PTPRT: variants seen among roughly 807,000 people sequenced by gnomAD.
The protein encoded by PTPRT is receptor-type tyrosine-protein phosphatase T.
PTPRT carries 56 observed loss-of-function variants against 176.8 expected under a neutral mutation model. The ratio of observed to expected loss-of-function variants is 0.32; its 90% CI spans 0.26 to 0.40. The LOEUF is 0.40. PTPRT is among the 10% of genes least tolerant of loss of function. The pLI, the probability that PTPRT is intolerant of heterozygous loss-of-function variation, is 1.00. For missense variants in PTPRT, 1,540 were observed against 1,908.2 expected, an observed-to-expected ratio of 0.81 and a Z score of 3.60; for synonymous variants, 783 against 739.0, an observed-to-expected ratio of 1.06 and a Z score of -0.96.
chr20:42,732,269 C>G (rs1160636984), intron 6 of PTPRT, among the ~76,000 whole-genome samples: 2 of 152,208 alleles, frequency 1.3e-5, no homozygotes. Context: ...AGCACAGATA[C>G]AGAACATTCC....
At chr20:42,777,751 G>C (rs1300642879) in intron 4 of PTPRT, among the ~76,000 whole-genome samples, 1 of 152,160 alleles carries the variant, frequency 6.6e-6, no homozygotes, top group Non-Finnish European at 1.5e-5. Flanking sequence ...ACTGAGCACT[G>C]GTCCTTAGGA....
intron 9 of PTPRT, among the ~76,000 whole-genome samples, chr20:42,422,695 T>A (rs2059129630): frequency 6.6e-6 from 1 of 152,232 alleles, no homozygotes; most frequent in Non-Finnish European, 1.5e-5. Context: ...ATCCCATTAC[T>A]GGGTATATAC....
chr20:42,442,297 G>A (rs911706544), intron 9 of PTPRT, among the ~76,000 whole-genome samples: 8 of 152,130 alleles, frequency 5.3e-5, no homozygotes, highest in African/African-American at 1.7e-4. Flanking sequence ...GATTCCTGGG[G>A]CCCGTGCTTT....
At chr20:42,389,272 T>C (rs79714168) in intron 9 of PTPRT, among the ~76,000 whole-genome samples, 2 of 144,516 alleles carry the variant, frequency 1.4e-5, no homozygotes, top group African/African-American at 5.1e-5. Flanking sequence ...ACTTAAAGTA[T>C]AAAAAAAAAA....
In PTPRT at chr20:43,189,687, T is replaced by C; in HGVS notation, c.47A>G (p.Gln16Arg). Residue 16 changes from glutamine to arginine, a missense_variant, in exon 1 of 31, where the codon CAG (glutamine) becomes CGG (arginine). By Grantham distance (43) the Gln-to-Arg change is conservative. This residue lies in a region of PTPRT where 116 missense variants were observed against 118.5 expected (regional missense o/e 0.98). Coordinates refer to ENST00000373187, the MANE Select transcript of PTPRT (RefSeq NM_007050.6). This position sits in a 1 kb window ranked among gnomAD's most constrained non-coding sequence, Gnocchi z 5.0. Reference protein sequence around the residue: ...ALALSLLLRLQLPPLPGARAQ... With the variant: ...ALALSLLLRLRLPPLPGARAQ... ...CCGGGCGCCGGGCAGTGGCGGCAGC[T>C]GCAGCCTCAGGAGCAGGCTGAGGGC... 1 of 1,321,018 alleles carries C rather than the reference T, an allele frequency of 7.6e-7. No homozygotes were observed. The highest frequency in any genetic ancestry group is 2.0e-5 in the South Asian group (1 of 50,212). The allele number at this position is 1,321,018 out of a possible 1,614,324, so 81.8% of individuals were successfully genotyped here.
chr20:42,397,634 G>T (rs578069837), intron 9 of PTPRT, among the ~76,000 whole-genome samples: 9 of 152,136 alleles, frequency 5.9e-5, no homozygotes, highest in African/African-American at 1.9e-4. Flanking sequence ...TTTCTTTTTC[G>T]GGTCTGCATA....
chr20:42,333,372 A>G (rs189135849), intron 11 of PTPRT, among the ~76,000 whole-genome samples: 101 of 152,246 alleles, frequency 6.6e-4, no homozygotes, highest in African/African-American at 2.4e-3. Context: ...TCGCTCTGTT[A>G]CCAGGCTGGA....
intron 1 of PTPRT, among the ~76,000 whole-genome samples, chr20:43,125,047 G>A (rs546271071): frequency 1.3e-5 from 2 of 151,686 alleles, no homozygotes; most frequent in East Asian, 3.9e-4. Context: ...CCAGGCTGGA[G>A]TGCAATGGCA....
At chr20:42,560,540 G>A (rs1167895851) in intron 7 of PTPRT, among the ~76,000 whole-genome samples, 1 of 152,106 alleles carries the variant, frequency 6.6e-6, no homozygotes, top group African/African-American at 2.4e-5. Flanking sequence ...GGGGAATATT[G>A]CCAATTTCTC....
intron 7 of PTPRT, among the ~76,000 whole-genome samples, chr20:42,474,299 G>C (rs2071249458): frequency 6.6e-6 from 1 of 152,280 alleles, no homozygotes; most frequent in East Asian, 1.9e-4. Flanking sequence ...ATAAGAAAGA[G>C]GGGATGCTAT....
At position 42,624,608 on chromosome 20, in the gene PTPRT, C is replaced by T. The variant is rs150251213; in HGVS notation, c.1153+53258G>A. Among the ~76,000 whole-genome samples the T allele has an allele frequency of 4.4e-3, 664 of 152,058 alleles. 6 individuals carry two copies. The highest frequency in any genetic ancestry group is 0.015 in the African/African-American group (625 of 41,488). On this transcript the variant is annotated intron_variant, in intron 7 of 30. Transcript: ENST00000373187. ...TGAGGATGGGGAAAGAGTCTTGGTC[C>T]CCATAACCCAACTCAGTTCTGAATG...
rs980217130 is a variant in PTPRT at position 42,078,791 on chromosome 20, C to G, written c.*2088G>C. 1 of 175,306 alleles carries G rather than the reference C, an allele frequency of 5.7e-6. No homozygotes were observed. Among genetic ancestry groups the G allele is most frequent in the Non-Finnish European group, 1.2e-5 (1 of 81,346 alleles). The allele number at this position is 175,306 out of a possible 1,614,324, so 10.9% of individuals were successfully genotyped here. A position where few individuals can be genotyped will look rare whatever the true frequency, so the allele number is the denominator to read the frequency against. On this transcript the variant is annotated 3_prime_UTR_variant, in exon 31 of 31. Coordinates refer to ENST00000373187, the MANE Select transcript of PTPRT (RefSeq NM_007050.6). ...CCATTGCACATATGGATCCCTTTGC[C>G]TGAGTTTCCTTTTTTTCCTTTTTAT...
intron 7 of PTPRT, among the ~76,000 whole-genome samples, chr20:42,640,229 C>T (rs1249189591): frequency 1.3e-5 from 2 of 152,008 alleles, no homozygotes; most frequent in African/African-American, 4.8e-5. Flanking sequence ...TCATAAGCAC[C>T]AGTAAAATTT....
At chr20:42,871,314 TTAA>T (rs2078842319) in intron 2 of PTPRT, among the ~76,000 whole-genome samples, 1 of 8,794 alleles carries the variant, frequency 1.1e-4, no homozygotes, top group African/African-American at 4.6e-4. Context: ...TCAGCCCTTT[TTAA>T]AAAAAAAAAA....
chr20:42,107,921 A>G (rs989117342), intron 23 of PTPRT, among the ~76,000 whole-genome samples: 10 of 152,226 alleles, frequency 6.6e-5, no homozygotes, highest in African/African-American at 2.2e-4. Flanking sequence ...CAGAGTCTTC[A>G]TTCATGAGAA....
chr20:42,680,120 G>A (rs1344804164), intron 6 of PTPRT, among the ~76,000 whole-genome samples: 1 of 152,158 alleles, frequency 6.6e-6, no homozygotes, highest in African/African-American at 2.4e-5. Context: ...TGGAACTCAG[G>A]TAAGGGCTTT....
At chr20:42,780,350 C>G in intron 3 of PTPRT, 51 bp from the exon 4 acceptor site, 1 of 1,448,176 alleles carries the variant, frequency 6.9e-7, no homozygotes, top group Non-Finnish European at 9.7e-7. Context: ...TGCAGGCATT[C>G]ATCACAAGAA....
chr20:42,317,479 G>C (rs2057737183), intron 11 of PTPRT, among the ~76,000 whole-genome samples: 1 of 152,148 alleles, frequency 6.6e-6, no homozygotes, highest in Non-Finnish European at 1.5e-5. Context: ...TGCCCAAAGA[G>C]TACCCACTGG....
At chr20:42,739,916 T>C (rs1043335936) in intron 6 of PTPRT, among the ~76,000 whole-genome samples, 2 of 152,178 alleles carry the variant, frequency 1.3e-5, no homozygotes, top group Non-Finnish European at 2.9e-5. Context: ...CCAGCATTCC[T>C]ATTGAGGGGA....
Sources: allele counts gnomAD v4.1 joint callset (sites outside exome capture counted in the v4.1 genomes callset), GRCh38; gene constraint gnomAD v4.1.1; regional missense constraint gnomAD v4.1.1; non-coding constraint Gnocchi (gnomAD v3.1); transcripts MANE v1.5; gene names NCBI Gene and HGNC (gene_info 2026-07-23, HGNC 2026-07-21).